Variants in SEPTIN9 observed in about 807,000 individuals in gnomAD.
SEPTIN9 encodes the protein septin 9, also known as septin-9.
In SEPTIN9, 13 loss-of-function variants were observed where a neutral mutation model predicts 56.6. The observed-to-expected ratio is 0.23, with a 90% confidence interval of 0.15 to 0.37. The LOEUF (loss-of-function observed/expected upper bound fraction) is 0.37. SEPTIN9 is among the 10% of genes least tolerant of loss of function. SEPTIN9 has a pLI of 1.00. For missense variants in SEPTIN9, 650 were observed against 823.1 expected, an observed-to-expected ratio of 0.79 and a Z score of 2.57; for synonymous variants, 332 against 334.1, an observed-to-expected ratio of 0.99 and a Z score of 0.07.
intron 1 of SEPTIN9, among the ~76,000 whole-genome samples, chr17:77,306,416 T>G (rs1350630685): frequency 6.6e-6 from 1 of 152,136 alleles, no homozygotes; most frequent in Non-Finnish European, 1.5e-5. Flanking sequence ...CCTTTCGGGT[T>G]TGCTTGGCTT....
chr17:77,388,810 CTTTT>C (rs5822196), intron 2 of SEPTIN9, among the ~76,000 whole-genome samples: 24,556 of 77,740 alleles, frequency 0.32, 2,222 homozygotes, highest in Middle Eastern at 0.37. Flanking sequence ...GTGTTAGGCG[CTTTT>C]TTTTTTTTTT....
At position 77,450,722 on chromosome 17, in the gene SEPTIN9, A is replaced by T. The variant is rs1373297785; in HGVS notation, c.722-31422A>T. ...ACTGGCCAGGTCCCCCAGGGGCTGG[A>T]GAGGCTGGAGAGGCAGGAGCTGGAT... On this transcript the variant is annotated intron_variant, in intron 3 of 11. Coordinates refer to ENST00000427177, the MANE Select transcript of SEPTIN9 (RefSeq NM_001113491.2). The surrounding 1 kb of genome is among the most constrained non-coding windows in gnomAD (Gnocchi z 6.0). The T allele has an allele frequency of 2.0e-6, 2 of 985,972 alleles. No homozygotes were observed. The highest frequency in any genetic ancestry group is 2.3e-4 in the East Asian group (2 of 8,824). 61.1% of individuals were successfully genotyped at this position (985,972 alleles called of 1,614,324 possible).
chr17:77,402,493 A>G lies in SEPTIN9; in HGVS notation c.511A>G (p.Lys171Glu). 1 of 1,604,536 alleles carries G rather than the reference A, an allele frequency of 6.2e-7. No individual in the cohort carries two copies. The highest frequency in any genetic ancestry group is 8.5e-7 in the Non-Finnish European group (1 of 1,176,082). The change falls in exon 3 of 12, where the codon AAG becomes GAG. Residue 171 changes from lysine (K) to glutamate (E), a missense_variant. By Grantham distance (56) the Lys-to-Glu change is moderately conservative. Transcript: ENST00000427177. This position sits in a 1 kb window ranked among gnomAD's most constrained non-coding sequence, Gnocchi z 6.6. ...AHRRMEPPAS[K>E]VPEVPTAPAT... ...CCGGAGGATGGAGCCCCCTGCCTCC[A>G]AGGTCCCCGAGGTGCCCACTGCCCC...
intron 2 of SEPTIN9, among the ~76,000 whole-genome samples, chr17:77,335,108 G>A (rs2033495464): frequency 1.3e-5 from 2 of 150,798 alleles, no homozygotes; most frequent in African/African-American, 4.9e-5. Flanking sequence ...CTGTATATGT[G>A]GTCCTGTATT....
At chr17:77,458,952 G>C (rs1450791056) in intron 3 of SEPTIN9, among the ~76,000 whole-genome samples, 1 of 152,222 alleles carries the variant, frequency 6.6e-6, no homozygotes, top group Non-Finnish European at 1.5e-5. Flanking sequence ...GTGAGAAAAT[G>C]GCTTGGCGTC....
rs1207300526 is a variant in SEPTIN9, at chr17:77,405,133, G to T, written c.721+2430G>T. On this transcript the variant is annotated intron_variant, in intron 3 of 11. Coordinates refer to ENST00000427177, the MANE Select transcript of SEPTIN9 (RefSeq NM_001113491.2). The surrounding 1 kb of genome is among the most constrained non-coding windows in gnomAD (Gnocchi z 5.8). ...GCACAGGGACGTGGTCCTGGCTCTG[G>T]GGGACAGGTAGGGGGATGTCCATGG... 6.5e-7 allele frequency: 1 copy of T among 1,535,212 alleles called. No homozygotes were observed. Among genetic ancestry groups the T allele is most frequent in the Admixed American group, 2.0e-5 (1 of 50,986 alleles).
In SEPTIN9 at chr17:77,368,440, G is replaced by C. The variant is rs185128472; in HGVS notation, c.77-33619G>C. Among the ~76,000 whole-genome samples the C allele has an allele frequency of 2.6e-5, 4 of 152,116 alleles. No individual in the cohort carries two copies. In the East Asian group the frequency reaches 7.7e-4, roughly 29 times the overall value. ...GATTCTCGTGCCTCAGCCTCCCAGA[G>C]AGCTGGGATTATAGGCGTTTGCCAC... On this transcript the variant is annotated intron_variant, in intron 2 of 11. Coordinates refer to ENST00000427177, the MANE Select transcript of SEPTIN9 (RefSeq NM_001113491.2).
At chr17:77,361,820 G>A in intron 2 of SEPTIN9, among the ~76,000 whole-genome samples, 1 of 151,916 alleles carries the variant, frequency 6.6e-6, no homozygotes, top group Non-Finnish European at 1.5e-5. Context: ...TTTTAGTAGA[G>A]ACAGGGTTTC....
Position 77,485,004 on chromosome 17 carries a change from G to GT in SEPTIN9, c.914-2420_914-2419insT, listed in dbSNP as rs1568112379. ...GTGGTGATTGTGATGGTGGTGAAGG[G>GT]GGTGATGGTGGTGATTGTGATGGTG... On this transcript the variant is annotated intron_variant, in intron 4 of 11. Transcript: ENST00000427177. Among the ~76,000 whole-genome samples the GT allele has an allele frequency of 1.2e-3, 16 of 13,892 alleles. 1 individual carries two copies. Among genetic ancestry groups the GT allele is most frequent in the Non-Finnish European group, 1.5e-4 (1 of 6,500 alleles). The allele number at this position is 13,892 out of a possible 152,430, so 9.1% of individuals were successfully genotyped here. A position where few individuals can be genotyped will look rare whatever the true frequency, so the allele number is the denominator to read the frequency against.
chr17:77,339,132 T>G (rs1305689669), intron 2 of SEPTIN9, among the ~76,000 whole-genome samples: 1 of 152,222 alleles, frequency 6.6e-6, no homozygotes, highest in African/African-American at 2.4e-5. Context: ...CGCTCATCCA[T>G]GAGGGTTGGA....
intron 2 of SEPTIN9, among the ~76,000 whole-genome samples, chr17:77,379,308 G>A (rs1196087727): frequency 6.6e-6 from 1 of 151,968 alleles, no homozygotes; most frequent in African/African-American, 2.4e-5. Context: ...GCCCCCAGGG[G>A]TCAGTATCAG....
intron 2 of SEPTIN9, among the ~76,000 whole-genome samples, chr17:77,332,282 C>G (rs1229356741): frequency 8.2e-6 from 1 of 122,204 alleles, no homozygotes; most frequent in East Asian, 4.0e-4. Context: ...GTCTCAAAAA[C>G]AAAACAAAAC....
chr17:77,408,183 A>G (rs181248084), intron 3 of SEPTIN9, among the ~76,000 whole-genome samples: 6 of 152,144 alleles, frequency 3.9e-5, no homozygotes, highest in African/African-American at 1.4e-4. Context: ...CTGGTTCTGA[A>G]CTATCATTCC....
chr17:77,330,006 C>T lies in SEPTIN9; in HGVS notation c.76+22809C>T, dbSNP rs1406228301. Among the ~76,000 whole-genome samples the T allele has an allele frequency of 6.6e-6, 1 of 152,168 alleles. No individual in the cohort carries two copies. Among genetic ancestry groups the T allele is most frequent in the African/African-American group, 2.4e-5 (1 of 41,444 alleles). ...GGCAACACAGTCGAGCTGCAGCCCC[C>T]GCTCCATCCCCAGCTGGGGCTCCCT... On this transcript the variant is annotated intron_variant, in intron 2 of 11. Coordinates refer to ENST00000427177, the MANE Select transcript of SEPTIN9 (RefSeq NM_001113491.2). The surrounding 1 kb of genome is among the most constrained non-coding windows in gnomAD (Gnocchi z 4.4).
chr17:77,419,123 G>T (rs1388069593), intron 3 of SEPTIN9, among the ~76,000 whole-genome samples: 2 of 152,228 alleles, frequency 1.3e-5, no homozygotes, highest in Non-Finnish European at 2.9e-5. Flanking sequence ...CTTGGCCAGA[G>T]AGAGACTGGA....
chr17:77,293,705 C>T (rs2031673922), intron 1 of SEPTIN9, among the ~76,000 whole-genome samples: 1 of 152,158 alleles, frequency 6.6e-6, no homozygotes, highest in Non-Finnish European at 1.5e-5. Context: ...CAGAAGAGTA[C>T]CAGTCAACTG....
At chr17:77,392,053 C>T (rs955491699) in intron 2 of SEPTIN9, among the ~76,000 whole-genome samples, 2 of 152,190 alleles carry the variant, frequency 1.3e-5, no homozygotes, top group Non-Finnish European at 2.9e-5. Context: ...TTGCAGCCAG[C>T]GAGCTGCTCT....
intron 10 of SEPTIN9, among the ~76,000 whole-genome samples, chr17:77,493,656 G>A (rs1324462066): frequency 6.6e-6 from 1 of 152,024 alleles, no homozygotes; most frequent in Non-Finnish European, 1.5e-5. Context: ...TCCTCCTTCT[G>A]GTGGCGCCTG....
Position 77,445,453 on chromosome 17 carries a change from T to C in SEPTIN9, c.722-36691T>C, listed in dbSNP as rs2037703254. Reference sequence around the variant, plus strand: ...GCTCTGTGCTCACAACCTGGCTTGGTGGTGGCCGAGGAGCTTGGCAGGAGC... The same window carrying C: ...GCTCTGTGCTCACAACCTGGCTTGGCGGTGGCCGAGGAGCTTGGCAGGAGC... On this transcript the variant is annotated intron_variant, in intron 3 of 11. Coordinates refer to ENST00000427177, the MANE Select transcript of SEPTIN9 (RefSeq NM_001113491.2). This position sits in a 1 kb window ranked among gnomAD's most constrained non-coding sequence, Gnocchi z 4.7. The C allele has an allele frequency of 2.1e-6, 1 of 469,490 alleles. No homozygotes were observed. The highest frequency in any genetic ancestry group is 4.4e-6 in the Non-Finnish European group (1 of 226,398). 29.1% of individuals were successfully genotyped at this position (469,490 alleles called of 1,614,324 possible).
Sources: gnomAD v4.1 joint callset for allele counts (sites outside exome capture counted in the v4.1 genomes callset) on GRCh38, gnomAD v4.1.1 for gene constraint, Gnocchi (gnomAD v3.1) non-coding constraint, MANE v1.5 for transcripts, NCBI Gene and HGNC (gene_info 2026-07-23, HGNC 2026-07-21) for gene names.